Variants in PPP4R3A observed in about 807,000 individuals in gnomAD.
The protein encoded by PPP4R3A is protein phosphatase 4 regulatory subunit 3A, also known as serine/threonine-protein phosphatase 4 regulatory subunit 3A.
PPP4R3A carries 15 observed loss-of-function variants against 91.7 expected under a neutral mutation model. The ratio of observed to expected loss-of-function variants is 0.16; its 90% confidence interval spans 0.11 to 0.25. The LOEUF (loss-of-function observed/expected upper bound fraction) is 0.25. Among genes scored for constraint, PPP4R3A ranks in the 10% least tolerant of loss-of-function variants. The pLI is 1.00. For missense variants in PPP4R3A, 623 were observed against 998.4 expected, an observed-to-expected ratio of 0.62 and a Z score of 5.07; for synonymous variants, 377 against 348.7, an observed-to-expected ratio of 1.08 and a Z score of -0.91.
In PPP4R3A at chr14:91,473,138, A is replaced by G. The variant is rs1312496848; in HGVS notation, c.1399-3T>C. On this transcript the variant is annotated splice_polypyrimidine_tract_variant and splice_region_variant and intron_variant, in intron 8 of 14. Transcript: ENST00000554943. ...AGAAATTCAGTCTTTTCTGTTTTCT[A>G]AGGAAACAAGAACAATTCCATGAAC... 6.2e-7 allele frequency: 1 copy of G among 1,613,908 alleles called. No homozygotes were observed. Among genetic ancestry groups the G allele is most frequent in the African/African-American group, 1.3e-5 (1 of 74,934 alleles).
At chr14:91,474,405 G>C (rs916085560) in intron 7 of PPP4R3A, among the ~76,000 whole-genome samples, 3 of 152,242 alleles carry the variant, frequency 2.0e-5, no homozygotes, top group African/African-American at 7.2e-5. Context: ...ACAAGGGATA[G>C]AGAAAATGCA....
At chr14:91,483,200 C>T (rs1233938555) in intron 3 of PPP4R3A, among the ~76,000 whole-genome samples, 2 of 152,022 alleles carry the variant, frequency 1.3e-5, no homozygotes, top group Non-Finnish European at 2.9e-5. Flanking sequence ...ACAGTGAACA[C>T]TAAAGCAAGT....
chr14:91,477,411 G>C (rs188208274), intron 4 of PPP4R3A, among the ~76,000 whole-genome samples: 18 of 152,230 alleles, frequency 1.2e-4, no homozygotes, highest in Admixed American at 1.1e-3. Context: ...TTAAAAGGTA[G>C]TTCTACAACC....
chr14:91,465,350 CTT>C lies in PPP4R3A; in HGVS notation c.1728_1729del (p.Ser577PhefsTer4). 1 of 1,608,452 alleles carries C rather than the reference CTT, an allele frequency of 6.2e-7. No individual in the cohort carries two copies. The highest frequency in any genetic ancestry group is 8.5e-7 in the Non-Finnish European group (1 of 1,178,526). ...TTTCACTACTGGTTCAAACAAAAAA[CTT>C]TTCATTATGTAGCGGTTGTAAAACT... On this transcript the variant is annotated frameshift_variant, in exon 11 of 15. Coordinates refer to ENST00000554943, the MANE Select transcript of PPP4R3A (RefSeq NM_001366432.2). LOFTEE classifies it high-confidence loss of function.
Position 91,490,792 on chromosome 14 carries a change from A to G in PPP4R3A, c.153T>C (p.Leu51=). Residue 51 remains leucine (L), a synonymous_variant, in exon 2 of 15, where the codon CTT becomes CTC. Coordinates refer to ENST00000554943, the MANE Select transcript of PPP4R3A (RefSeq NM_001366432.2). ...TGTTAGGATTTATTTTCGACTCTAA[A>G]AGTAGAGAACCTAGGAAACAGAAAA... The part of the protein sequence containing the change: ...LVRAESDGSL[L]LESKINPNTA... The G allele has an allele frequency of 6.2e-7, 1 of 1,609,710 alleles. No homozygotes were observed. The highest frequency in any genetic ancestry group is 8.5e-7 in the Non-Finnish European group (1 of 1,178,448).
chr14:91,465,512 T>G, intron 10 of PPP4R3A, 93 bp from the exon 11 acceptor site: 1 of 1,088,212 alleles, frequency 9.2e-7, no homozygotes, highest in South Asian at 2.2e-5. Flanking sequence ...CAAAAAAAAC[T>G]GTTTAACACA....
chr14:91,485,544 T>G, intron 3 of PPP4R3A, 88 bp downstream of exon 3: 2 of 867,328 alleles, frequency 2.3e-6, no homozygotes. Flanking sequence ...ATTTGAAATT[T>G]ATTTAAACTC....
Position 91,492,033 on chromosome 14 carries a change from T to C in PPP4R3A, c.143-1231A>G, listed in dbSNP as rs1241057452. 1.2e-4 allele frequency among the ~76,000 whole-genome samples: 19 copies of C among 152,246 alleles called. 1 individual carries two copies. Among genetic ancestry groups the C allele is most frequent in the Admixed American group, 1.2e-3 (19 of 15,292 alleles). ...AATGTTTTATATACGTGCTTACTTT[T>C]AGCAGTAAAGACATGATAATCTGAC... On this transcript the variant is annotated intron_variant, in intron 1 of 14. Coordinates refer to ENST00000554943, the MANE Select transcript of PPP4R3A (RefSeq NM_001366432.2).
intron 1 of PPP4R3A, among the ~76,000 whole-genome samples, chr14:91,504,986 T>G (rs1188089491): frequency 6.6e-6 from 1 of 152,200 alleles, no homozygotes; most frequent in Non-Finnish European, 1.5e-5. Flanking sequence ...TACCCAGCCT[T>G]TCTATACCCA....
intron 1 of PPP4R3A, among the ~76,000 whole-genome samples, chr14:91,491,999 C>T (rs1464018207): frequency 2.0e-5 from 3 of 152,208 alleles, no homozygotes; most frequent in African/African-American, 7.2e-5. Flanking sequence ...CCACTGCACC[C>T]AGCCAATAAA....
chr14:91,508,337 G>A (rs993134955), intron 1 of PPP4R3A, among the ~76,000 whole-genome samples: 4 of 152,128 alleles, frequency 2.6e-5, no homozygotes, highest in African/African-American at 9.7e-5. Flanking sequence ...AATTACAGAA[G>A]GGCTAGTCTT....
At chr14:91,495,522 G>C (rs1025993691) in intron 1 of PPP4R3A, among the ~76,000 whole-genome samples, 9 of 152,044 alleles carry the variant, frequency 5.9e-5, no homozygotes, top group Admixed American at 5.9e-4. Flanking sequence ...GTTTAGGGCT[G>C]GGAGGAAGTG....
At chr14:91,500,963 T>C (rs1219375614) in intron 1 of PPP4R3A, among the ~76,000 whole-genome samples, 6 of 152,124 alleles carry the variant, frequency 3.9e-5, no homozygotes, top group Non-Finnish European at 8.8e-5. Context: ...ACCCAGAATG[T>C]TGATGCTGCA....
At position 91,509,518 on chromosome 14, in the gene PPP4R3A, C is replaced by A. The variant is rs1308910988; in HGVS notation, c.130G>T (p.Ala44Ser). The change falls in exon 1 of 15, where the codon GCT (alanine) becomes TCT (serine). Residue 44 changes from alanine (A) to serine (S), a missense_variant. Around this residue, in one of 5 missense-constraint regions of PPP4R3A, gnomAD observed 51 missense variants for 81.8 expected, o/e 0.62. Coordinates refer to ENST00000554943, the MANE Select transcript of PPP4R3A (RefSeq NM_001366432.2). ...GGGCTTCACTTACCGTCGCTCTCAG[C>A]CCTGACAAGCAGGGACATGCCCTTC... Reference protein sequence around the residue: ...RLKGMSLLVRAESDGSLLLES... With the variant: ...RLKGMSLLVRSESDGSLLLES... The A allele has an allele frequency of 5.6e-6, 9 of 1,593,778 alleles. No individual in the cohort carries two copies. In the Admixed American group the frequency reaches 1.0e-4, roughly 18 times the overall value.
At chr14:91,505,787 A>G (rs1181883981) in intron 1 of PPP4R3A, among the ~76,000 whole-genome samples, 2 of 152,218 alleles carry the variant, frequency 1.3e-5, no homozygotes, top group African/African-American at 2.4e-5. Context: ...GACTCAATTT[A>G]TGGAAAATCA....
intron 13 of PPP4R3A, 107 bp downstream of exon 13, chr14:91,461,942 C>T (rs2273647): frequency 0.31 from 439,953 of 1,401,404 alleles, 74,189 homozygotes; most frequent in Non-Finnish European, 0.35. Context: ...GTCTTTAAAC[C>T]GTATGCCATC....
intron 1 of PPP4R3A, 83 bp downstream of exon 1, chr14:91,509,423 G>T: frequency 6.6e-7 from 1 of 1,517,954 alleles, no homozygotes; most frequent in South Asian, 1.2e-5. Context: ...CTCGTGGAGC[G>T]AGCGCCATGC....
intron 3 of PPP4R3A, among the ~76,000 whole-genome samples, chr14:91,484,730 T>G (rs1269931325): frequency 6.6e-6 from 1 of 152,186 alleles, no homozygotes; most frequent in Non-Finnish European, 1.5e-5. Flanking sequence ...AGGTCATGCT[T>G]GTGCTGCTGG....
chr14:91,488,333 A>G (rs1890024631), intron 2 of PPP4R3A, among the ~76,000 whole-genome samples: 1 of 152,222 alleles, frequency 6.6e-6, no homozygotes, highest in South Asian at 2.1e-4. Context: ...AAATAAACAG[A>G]TAAGAATCTG....
Sources: allele counts gnomAD v4.1 joint callset (sites outside exome capture counted in the v4.1 genomes callset), GRCh38; gene constraint gnomAD v4.1.1; regional missense constraint gnomAD v4.1.1; transcripts MANE v1.5; gene names NCBI Gene and HGNC (gene_info 2026-07-23, HGNC 2026-07-21).